The following USP35 variants were observed in gnomAD, a reference collection of about 807,000 sequenced individuals.
USP35 encodes ubiquitin specific peptidase 35.
In USP35, 69 loss-of-function variants were observed where a neutral mutation model predicts 83.8. That is an observed-to-expected ratio of 0.82 (90% CI 0.68 to 1.01). USP35 has a LOEUF of 1.01. Ranked by LOEUF, USP35 falls within the 50% of genes least tolerant of loss-of-function variation. The probability of loss-of-function intolerance (pLI) is 0.00; values close to 1 mark genes in which losing one functional copy is unlikely to be tolerated. For missense variants in USP35, 1,503 were observed against 1,362.5 expected (o/e 1.10, Z -1.62); for synonymous variants, 714 against 589.5 (o/e 1.21, Z -3.06).
the USP35 span, chr11:78,225,148 C>A: frequency 6.2e-7 from 1 of 1,613,590 alleles, no homozygotes; most frequent in Non-Finnish European, 8.5e-7. Context: ...TTCAGCAGAC[C>A]GGCCTGCACT....
At chr11:78,219,180 T>C, downstream of USP35, 2 of 1,186,568 alleles carry the variant, frequency 1.7e-6, no homozygotes, top group Non-Finnish European at 1.2e-6. Context: ...AGAGAGGAGG[T>C]GGATGGGAGG....
In USP35 at chr11:78,209,928, A is replaced by G. The variant is rs1323235882; in HGVS notation, c.2073A>G (p.Glu691=). Reference sequence around the variant, plus strand: ...GGAAGGAGGAGAGAACGGAGAAGGAAGAAGTGGGGGAGGAGGAGGAAAGCA... The same window carrying G: ...GGAAGGAGGAGAGAACGGAGAAGGAGGAAGTGGGGGAGGAGGAGGAAAGCA... ...EEGKEERTEK[E]EVGEEEESTR... Residue 691 remains glutamate, a synonymous_variant, in exon 10 of 11, where the codon GAA becomes GAG. Transcript: ENST00000529308. 2 of 1,604,112 alleles carry G rather than the reference A, an allele frequency of 1.2e-6. No homozygotes were observed. Among genetic ancestry groups the G allele is most frequent in the Admixed American group, 1.7e-5 (1 of 57,982 alleles).
downstream of USP35, among the ~76,000 whole-genome samples, chr11:78,220,026 G>T (rs1864341319): frequency 6.6e-6 from 1 of 152,128 alleles, no homozygotes; most frequent in African/African-American, 2.4e-5. Flanking sequence ...GATTCACTTT[G>T]TAACCTTAGG....
rs560331239 is a variant in USP35, at chr11:78,197,853, C to T, written c.674-83C>T. 5.2e-5 allele frequency: 79 copies of T among 1,522,028 alleles called. No individual in the cohort carries two copies. In the African/African-American group the frequency reaches 7.5e-4, roughly 15 times the overall value. 94.3% of individuals were successfully genotyped at this position (1,522,028 alleles called of 1,614,324 possible). On this transcript the variant is annotated intron_variant, in intron 2 of 10. Transcript: ENST00000529308. ...CTCTTCCTAGAGGCCCAGCCCGGTT[C>T]GTTGGCTCCTGCAGGGCATGGTGTG...
At chr11:78,220,466 T>C in the USP35 span, 1 of 1,546,510 alleles carries the variant, frequency 6.5e-7, no homozygotes, top group African/African-American at 1.4e-5. Context: ...AGGAAAAAAC[T>C]GTGAGTGACT....
intron 3 of USP35, chr11:78,198,786 A>G (rs1565395883): frequency 1.2e-6 from 1 of 800,304 alleles, no homozygotes; most frequent in East Asian, 1.2e-4. Flanking sequence ...CAAGTTACTC[A>G]ACCTCTCTGT....
chr11:78,219,089 C>A, downstream of USP35: 1 of 592,576 alleles, frequency 1.7e-6, no homozygotes, highest in Non-Finnish European at 2.9e-6. Context: ...AGAGGAGGTG[C>A]CTTGATCAGG....
the USP35 span, among the ~76,000 whole-genome samples, chr11:78,224,245 G>A: frequency 9.7e-4 from 148 of 152,130 alleles, 1 homozygote; most frequent in African/African-American, 3.4e-3. Flanking sequence ...CTTTCTGGAC[G>A]CCTGACCAAC....
At chr11:78,221,548 G>A in the USP35 span, 5 of 515,868 alleles carry the variant, frequency 9.7e-6, no homozygotes, top group South Asian at 1.5e-4. Flanking sequence ...TGTAGCAGGA[G>A]ACTAAATCAT....
chr11:78,206,600 GTTC>G (rs1863537711), intron 7 of USP35, among the ~76,000 whole-genome samples: 2 of 152,180 alleles, frequency 1.3e-5, no homozygotes, highest in Non-Finnish European at 2.9e-5. Context: ...GCTGGTGCAC[GTTC>G]TTCTCAAAAC....
At chr11:78,201,644 A>G (rs1337775404) in intron 6 of USP35, among the ~76,000 whole-genome samples, 1 of 152,174 alleles carries the variant, frequency 6.6e-6, no homozygotes, top group African/African-American at 2.4e-5. Context: ...GACAGTGACT[A>G]ACATCTGTGG....
In USP35 at chr11:78,189,120, C is replaced by T. The variant is rs1366500062; in HGVS notation, c.-48C>T. On this transcript the variant is annotated 5_prime_UTR_variant, in exon 1 of 11. Coordinates refer to ENST00000529308, the MANE Select transcript of USP35 (RefSeq NM_020798.4). ...CTCGTCCTGCCCGGCCTGAGCGCCC[C>T]GCCCAGCAGCCGGCTCTGGCCCACC... is the stretch of plus-strand genomic sequence containing the variant. 11 of 294,016 alleles carry T rather than the reference C, an allele frequency of 3.7e-5. No homozygotes were observed. Among genetic ancestry groups the T allele is most frequent in the South Asian group, 1.3e-4 (1 of 7,604 alleles). 18.2% of individuals were successfully genotyped at this position (294,016 alleles called of 1,614,324 possible).
At chr11:78,223,570 T>C in the USP35 span, 4 of 1,613,784 alleles carry the variant, frequency 2.5e-6, no homozygotes, top group Non-Finnish European at 2.5e-6. Context: ...CTGGGAATTA[T>C]CACCTGCTCG....
In USP35 at chr11:78,214,234, A is replaced by AGAGAGGCGGGGGGGGGG; in HGVS notation, c.*422_*423insAGAGGCGGGGGGGGGGG. On this transcript the variant is annotated 3_prime_UTR_variant, in exon 11 of 11. Transcript: ENST00000529308. ...ACAGCAGGATCCAAGCCTTGCACAA[A>AGAGAGGCGGGGGGGGGG]GGGGTGGGGGGGGCAGTGTCTCCTC... 3 of 96,194 alleles carry AGAGAGGCGGGGGGGGGG rather than the reference A, an allele frequency of 3.1e-5. No homozygotes were observed. Among genetic ancestry groups the AGAGAGGCGGGGGGGGGG allele is most frequent in the African/African-American group, 1.5e-4 (3 of 19,650 alleles). The allele number at this position is 96,194 out of a possible 1,614,324, so 6.0% of individuals were successfully genotyped here. A position where few individuals can be genotyped will look rare whatever the true frequency, so the allele number is the denominator to read the frequency against.
chr11:78,214,119 C>A lies in USP35; in HGVS notation c.*306C>A, dbSNP rs1245059804. 6.7e-6 allele frequency: 2 copies of A among 298,996 alleles called. No homozygotes were observed. Among genetic ancestry groups the A allele is most frequent in the African/African-American group, 2.2e-5 (1 of 45,228 alleles). 18.5% of individuals were successfully genotyped at this position (298,996 alleles called of 1,614,324 possible). A position where few individuals can be genotyped will look rare whatever the true frequency, so the allele number is the denominator to read the frequency against. On this transcript the variant is annotated 3_prime_UTR_variant, in exon 11 of 11. Coordinates refer to ENST00000529308, the MANE Select transcript of USP35 (RefSeq NM_020798.4). Reference sequence around the variant, plus strand: ...TAGCAGGCTCCCCATGCGGGAAGATCTGATGATGTTCAGGAAACAGGCTAG... The same window carrying A: ...TAGCAGGCTCCCCATGCGGGAAGATATGATGATGTTCAGGAAACAGGCTAG...
chr11:78,210,903 A>C (rs1863746830), intron 10 of USP35, among the ~76,000 whole-genome samples, 159 bp downstream of exon 10: 1 of 152,070 alleles, frequency 6.6e-6, no homozygotes, highest in Non-Finnish European at 1.5e-5. Context: ...GACAGACCTA[A>C]CCCCTTACTT....
At chr11:78,207,072 C>T (rs1158041495) in intron 7 of USP35, among the ~76,000 whole-genome samples, 3 of 152,170 alleles carry the variant, frequency 2.0e-5, no homozygotes, top group Non-Finnish European at 4.4e-5. Flanking sequence ...GATTGGAGGG[C>T]CCAGGTCAGA....
the USP35 span, chr11:78,226,620 G>GGGGGGCCC: frequency 1.3e-6 from 2 of 1,500,512 alleles, no homozygotes; most frequent in Non-Finnish European, 1.9e-6. Flanking sequence ...GCGGGGTGGG[G>GGGGGGCCC]GAGCTATGGC....
downstream of USP35, chr11:78,216,377 T>C (rs576289901): frequency 7.0e-6 from 1 of 142,088 alleles, no homozygotes; most frequent in African/African-American, 3.1e-5. Context: ...CTTTGACCCA[T>C]GGATAGGCCA....
Sources: gnomAD v4.1 joint callset for allele counts (sites outside exome capture counted in the v4.1 genomes callset) on GRCh38, gnomAD v4.1.1 for gene constraint, MANE v1.5 for transcripts, NCBI Gene and HGNC (gene_info 2026-07-23, HGNC 2026-07-21) for gene names.